UBQLN4: variants seen among roughly 807,000 people sequenced by gnomAD.
The protein encoded by UBQLN4 is ubiquilin-4.
A neutral mutation model predicts 60.4 loss-of-function variants in UBQLN4; 11 were observed. That is an observed-to-expected ratio of 0.18 (90% confidence interval 0.11 to 0.30). UBQLN4 has a LOEUF of 0.30. UBQLN4 is among the 10% of genes least tolerant of loss of function. UBQLN4 has a pLI of 1.00. For missense variants in UBQLN4, 417 were observed against 795.5 expected (o/e 0.52, Z 5.72); for synonymous variants, 258 against 313.1 (o/e 0.82, Z 1.86).
chr1:156,043,674 G>C (rs530556284), intron 6 of UBQLN4, among the ~76,000 whole-genome samples: 1 of 152,156 alleles, frequency 6.6e-6, no homozygotes, highest in Non-Finnish European at 1.5e-5. Flanking sequence ...CCTCTCCCCA[G>C]GTCTGCCTTG....
intron 5 of UBQLN4, among the ~76,000 whole-genome samples, chr1:156,045,455 C>T (rs1683674012): frequency 6.6e-6 from 1 of 152,244 alleles, no homozygotes; most frequent in Non-Finnish European, 1.5e-5. Flanking sequence ...TTTTCCTGAA[C>T]TACCCACAGT....
chr1:156,053,424 C>T (rs1335300688), intron 1 of UBQLN4, among the ~76,000 whole-genome samples, 170 bp downstream of exon 1: 1 of 151,976 alleles, frequency 6.6e-6, no homozygotes, highest in African/African-American at 2.4e-5. Flanking sequence ...CAGATCTCCC[C>T]TCGCAGGGCG....
Position 156,051,242 on chromosome 1 carries a change from C to T in UBQLN4, c.346G>A (p.Ala116Thr), listed in dbSNP as rs867106433. The T allele has an allele frequency of 1.4e-5, 23 of 1,597,436 alleles. No individual in the cohort carries two copies. The highest frequency in any genetic ancestry group is 9.0e-5 in the East Asian group (4 of 44,220). ...SAPSTTPASP[A>T]TPAQPSTSGS... ...GAGGTGGAGGGCTGGGCAGGGGTGG[C>T]GGGTGAAGCAGGCGTGGTGGAGGGT... Residue 116 changes from alanine (A) to threonine (T), a missense_variant, in exon 3 of 11, where the codon GCC becomes ACC. Coordinates refer to ENST00000368309, the MANE Select transcript of UBQLN4 (RefSeq NM_020131.5).
At chr1:156,051,958 C>G in intron 1 of UBQLN4, 101 bp from the exon 2 acceptor site, 1 of 1,464,292 alleles carries the variant, frequency 6.8e-7, no homozygotes, top group African/African-American at 1.4e-5. Context: ...TTGCTCTCAT[C>G]TCTAGTCATG....
chr1:156,042,623 A>G (rs1558086964), intron 7 of UBQLN4, 151 bp downstream of exon 7: 2 of 1,247,700 alleles, frequency 1.6e-6, no homozygotes, highest in East Asian at 2.5e-5. Flanking sequence ...GGGAGGCTAA[A>G]TAACTTGCTT....
At chr1:156,040,280 C>T (rs1168241194) in intron 10 of UBQLN4, among the ~76,000 whole-genome samples, 1 of 151,668 alleles carries the variant, frequency 6.6e-6, no homozygotes, top group Non-Finnish European at 1.5e-5. Flanking sequence ...CCTGTAATCC[C>T]AGCTACTCGG....
chr1:156,052,522 C>T (rs573780907), intron 1 of UBQLN4, among the ~76,000 whole-genome samples: 1 of 152,252 alleles, frequency 6.6e-6, no homozygotes, highest in South Asian at 2.1e-4. Context: ...CGGGGTTTCA[C>T]CATGTTGGCC....
At chr1:156,049,370 T>G (rs534150672) in intron 4 of UBQLN4, among the ~76,000 whole-genome samples, 2 of 152,224 alleles carry the variant, frequency 1.3e-5, no homozygotes, top group Non-Finnish European at 2.9e-5. Flanking sequence ...TGAGAAACAC[T>G]GAAGATGGGG....
At chr1:156,051,884 T>C in intron 1 of UBQLN4, 27 bp from the exon 2 acceptor site, 2 of 1,612,804 alleles carry the variant, frequency 1.2e-6, no homozygotes, top group Non-Finnish European at 1.7e-6. Flanking sequence ...GAGGTCACTG[T>C]GGAGGCTGCC....
intron 7 of UBQLN4, chr1:156,042,554 T>G (rs1343698896): frequency 9.4e-6 from 10 of 1,062,156 alleles, no homozygotes. Context: ...ACTCATTTAA[T>G]CCTCACAACT....
downstream of UBQLN4, chr1:156,033,313 C>T (rs567414693): frequency 6.1e-6 from 6 of 984,538 alleles, no homozygotes; most frequent in African/African-American, 8.7e-5. Context: ...GTAATCCTTC[C>T]GCTTAGAAAT....
At chr1:156,043,146 G>T (rs1683612515) in intron 6 of UBQLN4, among the ~76,000 whole-genome samples, 1 of 152,212 alleles carries the variant, frequency 6.6e-6, no homozygotes, top group Non-Finnish European at 1.5e-5. Flanking sequence ...GGACAAGCCA[G>T]CTAGGAACTG....
chr1:156,035,088 T>C (rs1440531401), downstream of UBQLN4, among the ~76,000 whole-genome samples: 1 of 151,424 alleles, frequency 6.6e-6, no homozygotes, highest in Non-Finnish European at 1.5e-5. Flanking sequence ...GGCTAAAACC[T>C]TTTAATATTT....
Position 156,035,347 on chromosome 1 carries a change from C to G in UBQLN4, c.*1631G>C. ...TTATTTACAAAGGCCAGTGTGGGAGCTGGGGGAGGCAGGGAGGGAAAGCCA... is the reference window on the plus strand; with the variant it reads ...TTATTTACAAAGGCCAGTGTGGGAGGTGGGGGAGGCAGGGAGGGAAAGCCA... On this transcript the variant is annotated 3_prime_UTR_variant, in exon 11 of 11. Transcript: ENST00000368309. 1.0e-6 allele frequency: 1 copy of G among 985,366 alleles called. No individual in the cohort carries two copies. The highest frequency in any genetic ancestry group is 1.2e-6 in the Non-Finnish European group (1 of 829,904). 61.0% of individuals were successfully genotyped at this position (985,366 alleles called of 1,614,324 possible). A position where few individuals can be genotyped will look rare whatever the true frequency, so the allele number is the denominator to read the frequency against.
chr1:156,039,388 T>C (rs763965814), intron 10 of UBQLN4, among the ~76,000 whole-genome samples: 30 of 151,744 alleles, frequency 2.0e-4, no homozygotes, highest in Non-Finnish European at 3.1e-4. Context: ...GTAGCTGGGA[T>C]GATAGGCATG....
At chr1:156,038,828 T>C (rs1414892837) in intron 10 of UBQLN4, among the ~76,000 whole-genome samples, 3 of 149,308 alleles carry the variant, frequency 2.0e-5, no homozygotes, top group African/African-American at 7.4e-5. Context: ...TTTTTTTTTT[T>C]GAGACGGAGT....
chr1:156,042,535 C>A (rs571769531), intron 7 of UBQLN4: 180 of 1,096,206 alleles, frequency 1.6e-4, no homozygotes, highest in Non-Finnish European at 2.2e-4. Context: ...AAGCACTTAA[C>A]GTGTATTAAC....
At chr1:156,047,460 G>A (rs1373406514) in intron 5 of UBQLN4, among the ~76,000 whole-genome samples, 4 of 151,340 alleles carry the variant, frequency 2.6e-5, no homozygotes, top group South Asian at 4.2e-4. Context: ...AGCCAGGATG[G>A]TCTCGATCTC....
At position 156,042,964 on chromosome 1, in the gene UBQLN4, A is replaced by G. The variant is rs754866374; in HGVS notation, c.1127-51T>C. 3.0e-5 allele frequency: 48 copies of G among 1,590,118 alleles called. 1 individual carries two copies. In the South Asian group the frequency reaches 5.2e-4, roughly 17 times the overall value. On this transcript the variant is annotated intron_variant, in intron 6 of 10. Transcript: ENST00000368309. ...ACAGGAGAGAAAGGGTCCAGATGGA[A>G]ACCGAAGGCCTCACTTCAATCTACC...
Sources: allele counts gnomAD v4.1 joint callset (sites outside exome capture counted in the v4.1 genomes callset), GRCh38; gene constraint gnomAD v4.1.1; transcripts MANE v1.5; gene names NCBI Gene and HGNC (gene_info 2026-07-23, HGNC 2026-07-21).